The following RET variants were observed in gnomAD, a reference collection of about 807,000 sequenced individuals.
RET encodes the protein proto-oncogene tyrosine-protein kinase receptor Ret.
In RET, 19 loss-of-function variants were observed where a neutral mutation model predicts 118.3. The ratio of observed to expected loss-of-function variants is 0.16; its 90% confidence interval spans 0.11 to 0.24. The LOEUF is 0.24. RET is among the 10% of genes least tolerant of loss of function. RET has a pLI of 1.00. For missense variants in RET, 1,219 were observed against 1,502.1 expected, an observed-to-expected ratio of 0.81 and a Z score of 3.12; for synonymous variants, 597 against 644.1, an observed-to-expected ratio of 0.93 and a Z score of 1.11.
At chr10:43,098,306 G>A (rs1837564052) in intron 1 of RET, among the ~76,000 whole-genome samples, 1 of 152,064 alleles carries the variant, frequency 6.6e-6, no homozygotes, top group South Asian at 2.1e-4. Context: ...GACTACTCTA[G>A]GGATCTCACA....
chr10:43,096,555 G>A (rs914766004), intron 1 of RET, among the ~76,000 whole-genome samples: 1 of 152,128 alleles, frequency 6.6e-6, no homozygotes, highest in African/African-American at 2.4e-5. Context: ...AGAGGTGCAC[G>A]CCTGGCTGCA....
At chr10:43,105,252 C>A (rs1837743039) in intron 4 of RET, 59 bp downstream of exon 4, 6 of 1,609,000 alleles carry the variant, frequency 3.7e-6, no homozygotes, top group Non-Finnish European at 5.1e-6. Context: ...CAGTTCGTTT[C>A]TCGGTCGGTT....
At position 43,106,066 on chromosome 10, in the gene RET, C is replaced by T. The variant is rs1837766439; in HGVS notation, c.868-310C>T. ...GGAGAGTGGAGGTGCTCATCCTGCT[C>T]TCTGGGGACCTGGATGGGACCTGCC... is the stretch of plus-strand genomic sequence containing the variant. On this transcript the variant is annotated intron_variant, in intron 4 of 19. Coordinates refer to ENST00000355710, the MANE Select transcript of RET (RefSeq NM_020975.6). This position sits in a 1 kb window ranked among gnomAD's most constrained non-coding sequence, Gnocchi z 5.1. 6.6e-6 allele frequency among the ~76,000 whole-genome samples: 1 copy of T among 152,138 alleles called. No homozygotes were observed. The highest frequency in any genetic ancestry group is 1.5e-5 in the Non-Finnish European group (1 of 68,014).
At position 43,116,417 on chromosome 10, in the gene RET, T is replaced by C. The variant is rs2256550; in HGVS notation, c.2137-167T>C. On this transcript the variant is annotated intron_variant, in intron 11 of 19. Coordinates refer to ENST00000355710, the MANE Select transcript of RET (RefSeq NM_020975.6). Reference sequence around the variant, plus strand: ...TTTCAGGGGCCTGGCTGTGGGGTCCTGCCCAGGGCAGAGACAGGCAGCGTT... The same window carrying C: ...TTTCAGGGGCCTGGCTGTGGGGTCCCGCCCAGGGCAGAGACAGGCAGCGTT... Among the ~76,000 whole-genome samples the C allele has an allele frequency of 0.56, 84,786 of 152,108 alleles. 24,366 individuals carry two copies. The highest frequency in any genetic ancestry group is 0.66 in the African/African-American group (27,513 of 41,486).
At position 43,078,441 on chromosome 10, in the gene RET, A is replaced by G. The variant is rs182116699; in HGVS notation, c.73+1110A>G. On this transcript the variant is annotated intron_variant, in intron 1 of 19. Coordinates refer to ENST00000355710, the MANE Select transcript of RET (RefSeq NM_020975.6). ...GCCTGCCTGAGACTTCATTTGTGTG[A>G]CCTGCGCCTCAGCTCAGCATATGCT... 1.9e-3 allele frequency among the ~76,000 whole-genome samples: 289 copies of G among 152,288 alleles called. 1 individual carries two copies. The highest frequency in any genetic ancestry group is 6.8e-3 in the Middle Eastern group (2 of 294).
Position 43,129,099 on chromosome 10 carries a change from T to C in RET, c.*830T>C, listed in dbSNP as rs1838395518. ...AGAACAGTATGAAGAAAGGGGGCTG[T>C]TGGAGTCCCAGAATTGCTGACAGCA... On this transcript the variant is annotated 3_prime_UTR_variant, in exon 20 of 20. Coordinates refer to ENST00000355710, the MANE Select transcript of RET (RefSeq NM_020975.6). 1 of 233,556 alleles carries C rather than the reference T, an allele frequency of 4.3e-6. No individual in the cohort carries two copies. The highest frequency in any genetic ancestry group is 8.5e-6 in the Non-Finnish European group (1 of 118,152). The allele number at this position is 233,556 out of a possible 1,614,324, so 14.5% of individuals were successfully genotyped here.
At chr10:43,081,298 A>C (rs1837175833) in intron 1 of RET, among the ~76,000 whole-genome samples, 1 of 107,520 alleles carries the variant, frequency 9.3e-6, no homozygotes, top group Non-Finnish European at 2.1e-5. Context: ...ATTTTTCAGC[A>C]GAGTGACTTA....
chr10:43,095,419 T>G (rs1233770915), intron 1 of RET, among the ~76,000 whole-genome samples: 1 of 152,198 alleles, frequency 6.6e-6, no homozygotes, highest in African/African-American at 2.4e-5. Flanking sequence ...AAGCTTGGCC[T>G]TGTGCTGCCT....
rs1212073063 is a variant in RET at position 43,114,763 on chromosome 10, AT to A, written c.2136+28del. ...TGAGGGTCCCTGCGGGGCAGGGAAG[AT>A]CCCCTGCCCTCCCCAGCTGCCTTCC... On this transcript the variant is annotated intron_variant, in intron 11 of 19. Transcript: ENST00000355710. The surrounding 1 kb of genome is among the most constrained non-coding windows in gnomAD (Gnocchi z 4.6). The A allele has an allele frequency of 2.5e-6, 4 of 1,589,280 alleles. No individual in the cohort carries two copies. The highest frequency in any genetic ancestry group is 3.4e-6 in the Non-Finnish European group (4 of 1,171,054).
At chr10:43,112,795 G>C in intron 8 of RET, 58 bp from the exon 9 acceptor site, 5 of 1,365,354 alleles carry the variant, frequency 3.7e-6, no homozygotes, top group Non-Finnish European at 4.2e-6. Context: ...CTAGGAGGTG[G>C]TGGGGGCGTG....
Position 43,128,098 on chromosome 10 carries a change from G to A in RET, c.3188-14G>A. The A allele has an allele frequency of 6.2e-7, 1 of 1,614,042 alleles. No individual in the cohort carries two copies. Among genetic ancestry groups the A allele is most frequent in the Non-Finnish European group, 8.5e-7 (1 of 1,180,000 alleles). ...TTCTTCAGTGCAGAACAAATGATCT[G>A]TTTTCATTTTTAGGCATGTCAGACC... is the stretch of plus-strand genomic sequence containing the variant. On this transcript the variant is annotated splice_polypyrimidine_tract_variant and intron_variant, in intron 19 of 19. Transcript: ENST00000355710.
At chr10:43,122,156 G>A (rs1374128497) in intron 16 of RET, 140 bp downstream of exon 16, 13 of 765,074 alleles carry the variant, frequency 1.7e-5, no homozygotes, top group Non-Finnish European at 4.8e-6. Context: ...CTAGCCCTCT[G>A]CAATGACCCC....
chr10:43,100,304 T>C (rs545437028), intron 1 of RET, among the ~76,000 whole-genome samples, 155 bp from the exon 2 acceptor site: 1 of 152,362 alleles, frequency 6.6e-6, no homozygotes, highest in East Asian at 1.9e-4. Context: ...CTAGCCCGTG[T>C]GTAACTATAC....
At chr10:43,104,195 C>T (rs1837705268) in intron 3 of RET, among the ~76,000 whole-genome samples, 1 of 152,034 alleles carries the variant, frequency 6.6e-6, no homozygotes, top group Non-Finnish European at 1.5e-5. Context: ...TCACATCATA[C>T]CCCAGATGTC....
chr10:43,119,749 C>T lies in RET; in HGVS notation c.2607+4C>T, dbSNP rs200634990. ...GCAGTATCTGGCCGAGATGAAGGTG[C>T]GTGCATATGGCTCTGCACCCAGCCA... On this transcript the variant is annotated splice_donor_region_variant and intron_variant, in intron 14 of 19. Coordinates refer to ENST00000355710, the MANE Select transcript of RET (RefSeq NM_020975.6). 2.7e-5 allele frequency: 44 copies of T among 1,612,566 alleles called. No homozygotes were observed. In the Admixed American group the frequency reaches 4.8e-4, roughly 18 times the overall value.
At chr10:43,110,027 G>T (rs1477867811) in intron 6 of RET, among the ~76,000 whole-genome samples, 3 of 152,200 alleles carry the variant, frequency 2.0e-5, no homozygotes, top group Non-Finnish European at 4.4e-5. Flanking sequence ...GCCCGCATCA[G>T]CTCCTGGCAG....
chr10:43,102,994 A>G (rs1372081718), intron 3 of RET, among the ~76,000 whole-genome samples: 1 of 146,666 alleles, frequency 6.8e-6, no homozygotes, highest in Non-Finnish European at 1.5e-5. Context: ...CCATTCCTCT[A>G]TCGTAAATTG....
intron 1 of RET, among the ~76,000 whole-genome samples, chr10:43,091,951 C>A (rs1205495026): frequency 6.6e-6 from 1 of 152,040 alleles, no homozygotes; most frequent in African/African-American, 2.4e-5. Context: ...AAAGGTTAAA[C>A]CTAGAGCTGA....
At chr10:43,108,734 C>G (rs941971773) in intron 5 of RET, among the ~76,000 whole-genome samples, 1 of 152,128 alleles carries the variant, frequency 6.6e-6, no homozygotes, top group Non-Finnish European at 1.5e-5. Flanking sequence ...ACCACACACA[C>G]GCATACCATG....
Sources: gnomAD v4.1 joint callset for allele counts (sites outside exome capture counted in the v4.1 genomes callset) on GRCh38, gnomAD v4.1.1 for gene constraint, Gnocchi (gnomAD v3.1) non-coding constraint, MANE v1.5 for transcripts, NCBI Gene and HGNC (gene_info 2026-07-23, HGNC 2026-07-21) for gene names.